The following ADAM22 variants were observed in gnomAD, a reference collection of about 807,000 sequenced individuals.
ADAM22 encodes the protein disintegrin and metalloproteinase domain-containing protein 22.
A neutral mutation model predicts 144.6 loss-of-function variants in ADAM22; 65 were observed. The observed-to-expected ratio is 0.45, with a 90% CI of 0.37 to 0.55. ADAM22 has a LOEUF of 0.55. ADAM22 is among the 20% of genes least tolerant of loss of function. The pLI is 0.00. For missense variants in ADAM22, 974 were observed against 1,184.9 expected (o/e 0.82, Z 2.61); for synonymous variants, 391 against 412.6 (o/e 0.95, Z 0.63).
chr7:88,066,716 G>A (rs1811346726), intron 3 of ADAM22, among the ~76,000 whole-genome samples: 2 of 152,080 alleles, frequency 1.3e-5, no homozygotes, highest in East Asian at 1.9e-4. Flanking sequence ...GAACTGTAGC[G>A]ATGAGAAGAA....
At chr7:88,187,114 A>G (rs892182504) in intron 30 of ADAM22, among the ~76,000 whole-genome samples, 2 of 152,240 alleles carry the variant, frequency 1.3e-5, no homozygotes. Context: ...TGCATAGTGC[A>G]TACAAAAACT....
At chr7:88,169,384 A>G (rs947615535) in intron 25 of ADAM22, among the ~76,000 whole-genome samples, 2 of 152,110 alleles carry the variant, frequency 1.3e-5, no homozygotes, top group East Asian at 3.9e-4. Flanking sequence ...TTAAATGAGC[A>G]TCTAGCCCTG....
chr7:88,151,132 C>A (rs1017367463), intron 19 of ADAM22, 101 bp downstream of exon 19: 44 of 1,517,350 alleles, frequency 2.9e-5, no homozygotes, highest in Non-Finnish European at 3.7e-5. Context: ...TGTTTGTAAT[C>A]AATTCTGAAG....
In ADAM22 at chr7:87,935,160, G is replaced by T. The variant is rs765138843; in HGVS notation, c.220G>T (p.Val74Leu). The T allele has an allele frequency of 6.2e-7, 1 of 1,610,744 alleles. No homozygotes were observed. Among genetic ancestry groups the T allele is most frequent in the Admixed American group, 1.7e-5 (1 of 59,808 alleles). ...TCGGCACGACGCGCTCGACACGCGG[G>T]TGCGGGGCGACCTCGGTGGCCCGCA... ...ESRHDALDTR[V>L]RGDLGGPQLT... The change falls in exon 2 of 32, where the codon GTG (valine) becomes TTG (leucine). Residue 74 changes from valine to leucine, a missense_variant. This residue lies in a region of ADAM22 where 240 missense variants were observed against 234.3 expected (regional missense o/e 1.02). Transcript: ENST00000413139.
intron 3 of ADAM22, among the ~76,000 whole-genome samples, chr7:88,038,034 A>G (rs1801935697): frequency 6.6e-6 from 1 of 152,138 alleles, no homozygotes; most frequent in Non-Finnish European, 1.5e-5. Flanking sequence ...AATATTCAGG[A>G]GTTATGAGCT....
At chr7:88,117,915 G>A (rs902504878) in intron 7 of ADAM22, among the ~76,000 whole-genome samples, 2 of 151,948 alleles carry the variant, frequency 1.3e-5, no homozygotes, top group African/African-American at 2.4e-5. Context: ...GGCTGGTCTC[G>A]AACTCCTGAC....
chr7:88,127,106 A>G (rs62486412), intron 8 of ADAM22, among the ~76,000 whole-genome samples: 114 of 152,082 alleles, frequency 7.5e-4, no homozygotes, highest in Non-Finnish European at 1.3e-3. Context: ...GTATATATAT[A>G]TATATGAATA....
At chr7:88,052,040 A>G (rs1053153239) in intron 3 of ADAM22, among the ~76,000 whole-genome samples, 14 of 152,100 alleles carry the variant, frequency 9.2e-5, no homozygotes, top group Non-Finnish European at 1.3e-4. Context: ...ATTTATCCAA[A>G]TATATCATTT....
At chr7:88,136,113 A>G in intron 14 of ADAM22, 82 bp downstream of exon 14, 1 of 1,244,886 alleles carries the variant, frequency 8.0e-7, no homozygotes, top group Non-Finnish European at 1.1e-6. Context: ...ACACTCAATA[A>G]CTTAGTGCAT....
intron 10 of ADAM22, 36 bp downstream of exon 10, chr7:88,130,495 A>G: frequency 6.4e-7 from 1 of 1,568,434 alleles, no homozygotes; most frequent in Non-Finnish European, 8.7e-7. Context: ...GCCCTAGAAG[A>G]TTCTTATTTC....
intron 30 of ADAM22, among the ~76,000 whole-genome samples, chr7:88,190,988 T>C (rs2129540554): frequency 6.6e-6 from 1 of 151,924 alleles, no homozygotes; most frequent in African/African-American, 2.4e-5. Flanking sequence ...GCTCTGGTGC[T>C]CTCATCCCCC....
chr7:88,136,655 A>G (rs934598545), intron 14 of ADAM22, among the ~76,000 whole-genome samples: 1 of 151,998 alleles, frequency 6.6e-6, no homozygotes, highest in Non-Finnish European at 1.5e-5. Flanking sequence ...GCCCTAGTTT[A>G]AACTTTGACC....
chr7:88,062,477 G>C (rs1242059562), intron 3 of ADAM22, among the ~76,000 whole-genome samples: 3 of 152,136 alleles, frequency 2.0e-5, no homozygotes, highest in Admixed American at 2.0e-4. Flanking sequence ...CCTTATTCTG[G>C]GTTAGGTTTT....
At chr7:87,977,824 G>A (rs143965292) in intron 2 of ADAM22, among the ~76,000 whole-genome samples, 73 of 152,212 alleles carry the variant, frequency 4.8e-4, no homozygotes, top group African/African-American at 1.7e-3. Context: ...GGAAGATGTG[G>A]AAACCTTGAT....
Position 88,170,490 on chromosome 7 carries a change from C to T in ADAM22, c.2283-1054C>T, listed in dbSNP as rs114259089. 7.4e-3 allele frequency among the ~76,000 whole-genome samples: 1,128 copies of T among 151,622 alleles called. 11 individuals are homozygous for T. The highest frequency in any genetic ancestry group is 0.026 in the African/African-American group (1,085 of 41,414). ...ATAAAGTAGAATGCTCATTTGGAACCGTATGGCTCAGGAAATCAGATTGAA... is the reference window on the plus strand; with the variant it reads ...ATAAAGTAGAATGCTCATTTGGAACTGTATGGCTCAGGAAATCAGATTGAA... On this transcript the variant is annotated intron_variant, in intron 25 of 31. Coordinates refer to ENST00000413139, the MANE Select transcript of ADAM22 (RefSeq NM_001324418.2).
At chr7:87,935,283 T>G in intron 2 of ADAM22, 97 bp downstream of exon 2, 1 of 1,351,244 alleles carries the variant, frequency 7.4e-7, no homozygotes, top group Non-Finnish European at 9.8e-7. Context: ...CATGTCTTCT[T>G]GGGTGAAATG....
At chr7:88,075,021 C>G (rs772216742) in intron 3 of ADAM22, among the ~76,000 whole-genome samples, 10 of 151,478 alleles carry the variant, frequency 6.6e-5, no homozygotes, top group Non-Finnish European at 2.9e-5. Flanking sequence ...GTCTTGAGAC[C>G]CCTCCATTAA....
chr7:88,146,258 C>T (rs1836380186), intron 17 of ADAM22, among the ~76,000 whole-genome samples: 1 of 152,162 alleles, frequency 6.6e-6, no homozygotes, highest in Non-Finnish European at 1.5e-5. Context: ...AATTGGTATA[C>T]ATTCTCAGTA....
intron 4 of ADAM22, among the ~76,000 whole-genome samples, chr7:88,083,642 G>A (rs1177112384): frequency 7.6e-6 from 1 of 131,462 alleles, no homozygotes; most frequent in Non-Finnish European, 1.6e-5. Flanking sequence ...TGTATGTGTA[G>A]TATTTTAAAG....
Sources: allele counts gnomAD v4.1 joint callset (sites outside exome capture counted in the v4.1 genomes callset), GRCh38; gene constraint gnomAD v4.1.1; regional missense constraint gnomAD v4.1.1; transcripts MANE v1.5; gene names NCBI Gene and HGNC (gene_info 2026-07-23, HGNC 2026-07-21).